The following PIGR variants were observed in gnomAD, a reference collection of about 807,000 sequenced individuals.
The protein encoded by PIGR is hepatocellular carcinoma associated protein TB6.
PIGR carries 22 observed loss-of-function variants against 69.5 expected under a neutral mutation model. The ratio of observed to expected loss-of-function variants is 0.32; its 90% confidence interval spans 0.23 to 0.45. The LOEUF is 0.45. Ranked by LOEUF, PIGR falls within the 20% of genes least tolerant of loss-of-function variation. The pLI is 1.00. For synonymous variants in PIGR, 413 were observed against 407.6 expected (o/e 1.01, Z -0.16); for missense variants, 885 against 974.0 (o/e 0.91, Z 1.22).
At position 206,935,668 on chromosome 1, in the gene PIGR, A is replaced by G; in HGVS notation, c.1196T>C (p.Val399Ala). The change falls in exon 5 of 11, where the codon GTG (valine) becomes GCG (alanine). Residue 399 changes from valine (V) to alanine (A), a missense_variant. Val to Ala is a moderately conservative substitution (Grantham distance 64). Coordinates refer to ENST00000356495, the MANE Select transcript of PIGR (RefSeq NM_002644.4). This position sits in a 1 kb window ranked among gnomAD's most constrained non-coding sequence, Gnocchi z 4.4. ...GAQNGRCPLL[V>A]DSEGWVKAQY... Reference sequence around the variant, plus strand: ...GGCCTTAACCCACCCCTCGCTGTCCACCAGCAGGGGGCAGCGGCCATTCTG... The same window carrying G: ...GGCCTTAACCCACCCCTCGCTGTCCGCCAGCAGGGGGCAGCGGCCATTCTG... 6.2e-7 allele frequency: 1 copy of G among 1,613,874 alleles called. No homozygotes were observed. The highest frequency in any genetic ancestry group is 8.5e-7 in the Non-Finnish European group (1 of 1,179,942).
At chr1:206,943,138 G>A (rs1474187145) in intron 1 of PIGR, among the ~76,000 whole-genome samples, 1 of 152,178 alleles carries the variant, frequency 6.6e-6, no homozygotes, top group Non-Finnish European at 1.5e-5. Context: ...AAGGAAGGAA[G>A]AAAAAGAACA....
chr1:206,946,138 C>T (rs987378747), intron 1 of PIGR, among the ~76,000 whole-genome samples, 198 bp downstream of exon 1: 5 of 152,170 alleles, frequency 3.3e-5, no homozygotes, highest in Admixed American at 2.0e-4. Flanking sequence ...CTTCCACACA[C>T]GTGCATCCCT....
rs756510395 is a variant in PIGR at position 206,937,334 on chromosome 1, A to C, written c.806T>G (p.Phe269Cys). Residue 269 changes from phenylalanine to cysteine, a missense_variant, in exon 4 of 11, where the codon TTT becomes TGT. Coordinates refer to ENST00000356495, the MANE Select transcript of PIGR (RefSeq NM_002644.4). Reference sequence around the variant, plus strand: ...TTCCCCACTGCTCTGTCGGCACAGAAATTTGGCCACGTTTGCCACCTCAGG... The same window carrying C: ...TTCCCCACTGCTCTGTCGGCACAGACATTTGGCCACGTTTGCCACCTCAGG... The part of the protein sequence containing the change: ...LGPEVANVAK[F>C]LCRQSSGENC... 6.2e-7 allele frequency: 1 copy of C among 1,613,084 alleles called. No homozygotes were observed. The highest frequency in any genetic ancestry group is 1.1e-5 in the South Asian group (1 of 90,992).
rs554418907 is a variant in PIGR at position 206,941,762 on chromosome 1, A to G, written c.-53-1178T>C. On this transcript the variant is annotated intron_variant, in intron 1 of 10. Transcript: ENST00000356495. ...GTTGAGGGTCCCAGGGGTCTGCCTG[A>G]CAGCAGCTGTCATCAAGACCCCAAC... 7.0e-4 allele frequency among the ~76,000 whole-genome samples: 107 copies of G among 152,378 alleles called. 1 individual carries two copies. Among genetic ancestry groups the G allele is most frequent in the African/African-American group, 2.6e-3 (107 of 41,596 alleles).
In PIGR at chr1:206,939,319, C is replaced by T; in HGVS notation, c.188G>A (p.Gly63Asp). ...KYWCRQGARGGCITLISSEGY... is the reference protein window; with the variant it reads ...KYWCRQGARGDCITLISSEGY... ...CTCCGAGGAGATGAGGGTTATGCAG[C>T]CACCTCTAGCTCCCTGCCGGCACCA... The change falls in exon 3 of 11, where the codon GGC becomes GAC. Residue 63 changes from glycine to aspartate, a missense_variant. Physicochemically the swap from Gly to Asp is moderately conservative, Grantham distance 94. Transcript: ENST00000356495. The T allele has an allele frequency of 6.2e-7, 1 of 1,614,242 alleles. No individual in the cohort carries two copies. Among genetic ancestry groups the T allele is most frequent in the Non-Finnish European group, 8.5e-7 (1 of 1,180,048 alleles).
At chr1:206,933,280 C>T in intron 6 of PIGR, 114 bp from the exon 7 acceptor site, 1 of 1,053,060 alleles carries the variant, frequency 9.5e-7, no homozygotes, top group South Asian at 1.6e-5. Flanking sequence ...GGTTCGATCT[C>T]AAGGCTGTTG....
Position 206,929,093 on chromosome 1 carries a change from A to T in PIGR, c.*1225T>A, listed in dbSNP as rs1030328192. 1 of 136,020 alleles carries T rather than the reference A, an allele frequency of 7.4e-6. No individual in the cohort carries two copies. Among genetic ancestry groups the T allele is most frequent in the South Asian group, 2.2e-4 (1 of 4,524 alleles). 8.4% of individuals were successfully genotyped at this position (136,020 alleles called of 1,614,324 possible). On this transcript the variant is annotated 3_prime_UTR_variant, in exon 11 of 11. Transcript: ENST00000356495. ...ACAAAAAAAAAAAAAAAAAAAAAAA[A>T]TTAGCCAGACATGGTGGCCCACATC...
At position 206,935,385 on chromosome 1, in the gene PIGR, C is replaced by T; in HGVS notation, c.1378+101G>A. 1.0e-6 allele frequency: 1 copy of T among 1,000,192 alleles called. No individual in the cohort carries two copies. Among genetic ancestry groups the T allele is most frequent in the Non-Finnish European group, 1.5e-6 (1 of 659,884 alleles). 62.0% of individuals were successfully genotyped at this position (1,000,192 alleles called of 1,614,324 possible). The stretch of plus-strand genomic sequence containing the variant: ...GGTGGGCTCCCTCCTGAGGTCTGGC[C>T]CATCAGGGTGGAGGCGGGTGAAAAA... On this transcript the variant is annotated intron_variant, in intron 5 of 10. Coordinates refer to ENST00000356495, the MANE Select transcript of PIGR (RefSeq NM_002644.4). This position sits in a 1 kb window ranked among gnomAD's most constrained non-coding sequence, Gnocchi z 4.4.
chr1:206,942,918 C>T (rs1558016367), intron 1 of PIGR, among the ~76,000 whole-genome samples: 1 of 152,150 alleles, frequency 6.6e-6, no homozygotes, highest in Non-Finnish European at 1.5e-5. Flanking sequence ...AGAGGATACC[C>T]CTGCTTTCAG....
Position 206,931,734 on chromosome 1 carries a change from C to G in PIGR, c.2077G>C (p.Gly693Arg), listed in dbSNP as rs759531551. 6.2e-7 allele frequency: 1 copy of G among 1,614,114 alleles called. No homozygotes were observed. The highest frequency in any genetic ancestry group is 8.5e-7 in the Non-Finnish European group (1 of 1,180,004). The change falls in exon 9 of 11, where the codon GGA (glycine) becomes CGA (arginine). Residue 693 changes from glycine to arginine, a missense_variant. Coordinates refer to ENST00000356495, the MANE Select transcript of PIGR (RefSeq NM_002644.4). ...MSDFENSREFGANDNMGASSI... is the reference protein window; with the variant it reads ...MSDFENSREFRANDNMGASSI... ...GAGGCTCCCATGTTGTCATTGGCTC[C>G]AAATTCCCTGGAGTTCTCGAAGTCT...
chr1:206,935,869 C>T lies in PIGR; in HGVS notation c.1046-51G>A, dbSNP rs748663520. 1.4e-6 allele frequency: 2 copies of T among 1,404,340 alleles called. No homozygotes were observed. Among genetic ancestry groups the T allele is most frequent in the South Asian group, 1.4e-5 (1 of 73,896 alleles). The allele number at this position is 1,404,340 out of a possible 1,614,324, so 87.0% of individuals were successfully genotyped here. On this transcript the variant is annotated intron_variant, in intron 4 of 10. Transcript: ENST00000356495. The surrounding 1 kb of genome is among the most constrained non-coding windows in gnomAD (Gnocchi z 4.4). ...GGGAGGATGGCCACGCAGGAAGAGC[C>T]TTGCGTGGCCTGAGAAGCCTTCTTC... is the stretch of plus-strand genomic sequence containing the variant.
In PIGR at chr1:206,932,489, C is replaced by G; in HGVS notation, c.1975G>C (p.Gly659Arg). The change falls in exon 8 of 11, where the codon GGG (glycine) becomes CGG (arginine). Residue 659 changes from glycine (G) to arginine (R), a missense_variant. By Grantham distance (125) the Gly-to-Arg change is moderately radical. Coordinates refer to ENST00000356495, the MANE Select transcript of PIGR (RefSeq NM_002644.4). The stretch of plus-strand genomic sequence containing the variant: ...TTCCTGTGCCGGGCTCTGGCCACCC[C>G]CACAGCCACGGCTCCCACTGCCAGC... Reference protein sequence around the residue: ...LVLAVGAVAVGVARARHRKNV... With the variant: ...LVLAVGAVAVRVARARHRKNV... The G allele has an allele frequency of 6.2e-7, 1 of 1,613,070 alleles. No homozygotes were observed. The highest frequency in any genetic ancestry group is 1.3e-5 in the African/African-American group (1 of 75,010).
intron 4 of PIGR, among the ~76,000 whole-genome samples, chr1:206,936,162 A>G (rs142328899): frequency 4.3e-4 from 66 of 152,276 alleles, no homozygotes; most frequent in African/African-American, 1.3e-3. Context: ...GTTTTTGTCT[A>G]TTTAGTACAC....
chr1:206,941,894 G>T (rs1237816634), intron 1 of PIGR, among the ~76,000 whole-genome samples: 1 of 152,218 alleles, frequency 6.6e-6, no homozygotes, highest in Admixed American at 6.5e-5. Context: ...GTAAGTTTGG[G>T]CAGTAATGAG....
rs777029820 is a variant in PIGR, at chr1:206,930,292, G to C, written c.*26C>G. 3 of 1,594,124 alleles carry C rather than the reference G, an allele frequency of 1.9e-6. No homozygotes were observed. The highest frequency in any genetic ancestry group is 2.6e-6 in the Non-Finnish European group (3 of 1,167,278). ...ATGATTCTGAAGGTGATTGTCATGG[G>C]TGCAGGGAGCAGGCGGCGACACCGT... On this transcript the variant is annotated 3_prime_UTR_variant, in exon 11 of 11. Transcript: ENST00000356495. This position sits in a 1 kb window ranked among gnomAD's most constrained non-coding sequence, Gnocchi z 4.3.
chr1:206,946,165 T>C (rs968948918), intron 1 of PIGR, among the ~76,000 whole-genome samples, 171 bp downstream of exon 1: 3 of 152,336 alleles, frequency 2.0e-5, no homozygotes, highest in African/African-American at 7.2e-5. Context: ...CCCACTGCGA[T>C]ATGCACGCTT....
chr1:206,945,702 C>G (rs997437929), intron 1 of PIGR, among the ~76,000 whole-genome samples: 1 of 152,182 alleles, frequency 6.6e-6, no homozygotes, highest in African/African-American at 2.4e-5. Context: ...GCTGAACATG[C>G]CTTTGCCAGA....
In PIGR at chr1:206,932,564, C is replaced by T. The variant is rs1679777700; in HGVS notation, c.1900G>A (p.Gly634Ser). ...GAGACCAGCGCTCTGGAGCTTCCAC[C>T]TTGTTCCTCAGAGCTGGAAGAAGGC... is the stretch of plus-strand genomic sequence containing the variant. ...SVDSGSSEEQ[G>S]GSSRALVSTL... Residue 634 changes from glycine to serine, a missense_variant, in exon 8 of 11, where the codon GGT becomes AGT. Physicochemically the swap from Gly to Ser is moderately conservative, Grantham distance 56. Transcript: ENST00000356495. 6.2e-6 allele frequency: 10 copies of T among 1,613,056 alleles called. No homozygotes were observed. Among genetic ancestry groups the T allele is most frequent in the Non-Finnish European group, 8.5e-6 (10 of 1,179,548 alleles).
chr1:206,940,189 A>C (rs904510779), intron 2 of PIGR, among the ~76,000 whole-genome samples: 2 of 152,158 alleles, frequency 1.3e-5, no homozygotes, highest in Non-Finnish European at 2.9e-5. Context: ...CTTCCCTCAG[A>C]TTTCACAGCG....
Sources: allele counts gnomAD v4.1 joint callset (sites outside exome capture counted in the v4.1 genomes callset), GRCh38; gene constraint gnomAD v4.1.1; non-coding constraint Gnocchi (gnomAD v3.1); transcripts MANE v1.5; gene names NCBI Gene and HGNC (gene_info 2026-07-23, HGNC 2026-07-21).